Variants in KCNH8 observed in about 807,000 individuals in gnomAD.
The protein encoded by KCNH8 is voltage-gated delayed rectifier potassium channel KCNH8.
KCNH8 carries 70 observed loss-of-function variants against 103.6 expected under a neutral mutation model. That is an observed-to-expected ratio of 0.68 (90% CI 0.56 to 0.82). KCNH8 has a LOEUF of 0.82. KCNH8 is among the 40% of genes least tolerant of loss of function. KCNH8 has a pLI of 0.00. For synonymous variants in KCNH8, 498 were observed against 489.4 expected (o/e 1.02, Z -0.23); for missense variants, 1,217 against 1,329.9 (o/e 0.92, Z 1.32).
chr3:19,148,600 G>A lies in KCNH8; in HGVS notation c.-120G>A. ...TCCACTTCCCCTGCTCGGCCCCGCC[G>A]TCAGGCCGGGTCCCCCTTCCCTGCC... On this transcript the variant is annotated 5_prime_UTR_variant, in exon 1 of 16. Coordinates refer to ENST00000328405, the MANE Select transcript of KCNH8 (RefSeq NM_144633.3). 1.1e-6 allele frequency: 1 copy of A among 940,350 alleles called. No homozygotes were observed. Among genetic ancestry groups the A allele is most frequent in the Non-Finnish European group, 1.7e-6 (1 of 572,498 alleles). 58.3% of individuals were successfully genotyped at this position (940,350 alleles called of 1,614,324 possible).
rs777741895 is a variant in KCNH8 at position 19,513,343 on chromosome 3, A to G, written c.2435+18A>G. 1 of 1,561,396 alleles carries G rather than the reference A, an allele frequency of 6.4e-7. No homozygotes were observed. The highest frequency in any genetic ancestry group is 8.6e-7 in the Non-Finnish European group (1 of 1,157,762). ...AGTCCAAGGTAAGAGTTCATATCAT[A>G]TAACTTTCTCACGTGAACGTGGCTG... is the stretch of plus-strand genomic sequence containing the variant. On this transcript the variant is annotated intron_variant, in intron 13 of 15. Transcript: ENST00000328405.
chr3:19,364,780 C>T (rs560290595), intron 5 of KCNH8, among the ~76,000 whole-genome samples: 38 of 152,168 alleles, frequency 2.5e-4, no homozygotes, highest in African/African-American at 8.9e-4. Flanking sequence ...CCTACTTAAG[C>T]ACTTAAGCAA....
At chr3:19,259,666 C>T (rs1187261394) in intron 2 of KCNH8, among the ~76,000 whole-genome samples, 1 of 151,242 alleles carries the variant, frequency 6.6e-6, no homozygotes, top group East Asian at 1.9e-4. Flanking sequence ...TAGTAAATGC[C>T]CCAAAAAGCC....
intron 3 of KCNH8, among the ~76,000 whole-genome samples, chr3:19,282,234 C>G (rs1365555877): frequency 6.6e-6 from 1 of 152,112 alleles, no homozygotes; most frequent in Admixed American, 6.6e-5. Flanking sequence ...GCTCTCACTT[C>G]TAGCATTTGA....
intron 3 of KCNH8, among the ~76,000 whole-genome samples, chr3:19,294,210 T>G (rs1408707625): frequency 6.6e-6 from 1 of 152,148 alleles, no homozygotes; most frequent in Non-Finnish European, 1.5e-5. Flanking sequence ...TGGTCAAAAT[T>G]TTGAAGATAA....
At position 19,451,258 on chromosome 3, in the gene KCNH8, T is replaced by G. The variant is rs887496053; in HGVS notation, c.1679T>G (p.Leu560Arg). 2 of 1,613,956 alleles carry G rather than the reference T, an allele frequency of 1.2e-6. No individual in the cohort carries two copies. The highest frequency in any genetic ancestry group is 3.3e-5 in the Admixed American group (2 of 59,980). The part of the protein sequence containing the change: ...SLFECASRGC[L>R]RSLSLHIKTS... ...TTTGAATGTGCCAGCCGGGGCTGCC[T>G]CAGGTCTCTGTCTCTACACATCAAA... The change falls in exon 10 of 16, where the codon CTC becomes CGC. Residue 560 changes from leucine (L) to arginine (R), a missense_variant. Leu to Arg is a moderately radical substitution (Grantham distance 102). Transcript: ENST00000328405.
Position 19,494,347 on chromosome 3 carries a change from T to C in KCNH8, c.2041-16016T>C, listed in dbSNP as rs146621596. 4.4e-3 allele frequency among the ~76,000 whole-genome samples: 671 copies of C among 152,270 alleles called. 4 individuals are homozygous for C. The highest frequency in any genetic ancestry group is 0.02 in the South Asian group (95 of 4,818). ...ATGGGAGTGGGCCTTTCCCTTGCTG[T>C]TCTCATGATGGTAAATGGGTCTCAT... On this transcript the variant is annotated intron_variant, in intron 11 of 15. Coordinates refer to ENST00000328405, the MANE Select transcript of KCNH8 (RefSeq NM_144633.3).
chr3:19,520,116 CATGTGCAGA>C (rs1305718562), intron 15 of KCNH8, among the ~76,000 whole-genome samples: 1 of 149,892 alleles, frequency 6.7e-6, no homozygotes, highest in African/African-American at 2.5e-5. Context: ...TTCTGTGGTA[CATGTGCAGA>C]ATGTGCAGGT....
intron 8 of KCNH8, among the ~76,000 whole-genome samples, chr3:19,443,477 A>C (rs938989124): frequency 6.6e-6 from 1 of 151,210 alleles, no homozygotes; most frequent in Non-Finnish European, 1.5e-5. Context: ...GTGTATATAT[A>C]AAGTTTTCAT....
chr3:19,476,655 A>T (rs573343581), intron 11 of KCNH8, among the ~76,000 whole-genome samples: 3 of 152,272 alleles, frequency 2.0e-5, no homozygotes, highest in Non-Finnish European at 4.4e-5. Context: ...GATTTGGGGC[A>T]TAGCTTCTTA....
At position 19,339,182 on chromosome 3, in the gene KCNH8, T is replaced by C. The variant is rs376414894; in HGVS notation, c.443-3405T>C. Among the ~76,000 whole-genome samples the C allele has an allele frequency of 3.3e-5, 5 of 152,258 alleles. No individual in the cohort carries two copies. In the South Asian group the frequency reaches 6.2e-4, roughly 19 times the overall value. On this transcript the variant is annotated intron_variant, in intron 3 of 15. Coordinates refer to ENST00000328405, the MANE Select transcript of KCNH8 (RefSeq NM_144633.3). ...CACAGATTATTCTTTGACACTTCCC[T>C]TTGAGGGGACCTTTTCTAAGATGAT...
chr3:19,422,186 C>T (rs17005936), intron 7 of KCNH8, among the ~76,000 whole-genome samples: 2 of 151,926 alleles, frequency 1.3e-5, no homozygotes, highest in Non-Finnish European at 2.9e-5. Context: ...TGATGTCTTG[C>T]AAATAGTCAT....
chr3:19,161,329 C>T (rs1310011978), intron 1 of KCNH8, among the ~76,000 whole-genome samples: 3 of 152,164 alleles, frequency 2.0e-5, no homozygotes, highest in Non-Finnish European at 2.9e-5. Flanking sequence ...CATTCTTTGT[C>T]TGCCTTCTTT....
intron 7 of KCNH8, among the ~76,000 whole-genome samples, chr3:19,432,724 G>A (rs1030573875): frequency 5.3e-5 from 8 of 152,116 alleles, no homozygotes; most frequent in Non-Finnish European, 1.0e-4. Context: ...CCCATGTTGG[G>A]GAACAGATCT....
chr3:19,505,369 G>A (rs1256807861), intron 11 of KCNH8, among the ~76,000 whole-genome samples: 1 of 151,910 alleles, frequency 6.6e-6, no homozygotes. Flanking sequence ...TAGTACATGG[G>A]GAATGAAATA....
At chr3:19,179,116 T>G (rs1241309850) in intron 1 of KCNH8, among the ~76,000 whole-genome samples, 4 of 152,134 alleles carry the variant, frequency 2.6e-5, no homozygotes, top group Non-Finnish European at 5.9e-5. Flanking sequence ...TAAACTAGAA[T>G]TCTTTAGTTT....
rs11721268 is a variant in KCNH8, at chr3:19,395,229, C to T, written c.1095C>T (p.Leu365=). The part of the protein sequence containing the change: ...VLTLLMSMFA[L]LAHWMACIWY... ...CTCTGCTCATGTCCATGTTTGCACT[C>T]CTTGCACACTGGATGGCGTGTATCT... The change falls in exon 7 of 16, where the codon CTC becomes CTT. Residue 365 remains leucine, a synonymous_variant. Coordinates refer to ENST00000328405, the MANE Select transcript of KCNH8 (RefSeq NM_144633.3). 4.2e-4 allele frequency: 679 copies of T among 1,609,340 alleles called. 1 individual carries two copies. The highest frequency in any genetic ancestry group is 5.6e-4 in the Non-Finnish European group (662 of 1,177,960).
intron 1 of KCNH8, among the ~76,000 whole-genome samples, chr3:19,248,186 C>T (rs1348938612): frequency 6.6e-6 from 1 of 151,986 alleles, no homozygotes; most frequent in African/African-American, 2.4e-5. Context: ...TGCTTCTAGG[C>T]CCCATGGAAT....
chr3:19,448,039 C>A (rs1559332021), intron 8 of KCNH8, among the ~76,000 whole-genome samples: 1 of 151,944 alleles, frequency 6.6e-6, no homozygotes. Context: ...AAATCTGAGT[C>A]ATTTTCCCCA....
Sources: allele counts gnomAD v4.1 joint callset (sites outside exome capture counted in the v4.1 genomes callset), GRCh38; gene constraint gnomAD v4.1.1; transcripts MANE v1.5; gene names NCBI Gene and HGNC (gene_info 2026-07-23, HGNC 2026-07-21).